Variants in CCDC60 observed in about 807,000 individuals in gnomAD.
CCDC60 encodes the protein coiled-coil domain-containing protein 60.
Under a neutral mutation model 63.5 loss-of-function variants are expected in CCDC60, and 54 were observed. That is an observed-to-expected ratio of 0.85 (90% CI 0.68 to 1.07). CCDC60 has a LOEUF of 1.07. Ranked by LOEUF, CCDC60 falls within the 50% of genes least tolerant of loss-of-function variation. The probability of loss-of-function intolerance (pLI) is 0.00; values close to 1 mark genes in which losing one functional copy is unlikely to be tolerated. For missense variants in CCDC60, 651 were observed against 684.3 expected, an observed-to-expected ratio of 0.95 and a Z score of 0.54; for synonymous variants, 206 against 238.8, an observed-to-expected ratio of 0.86 and a Z score of 1.27.
intron 1 of CCDC60, among the ~76,000 whole-genome samples, chr12:119,345,951 G>A (rs1955588178): frequency 1.3e-5 from 2 of 150,064 alleles, no homozygotes; most frequent in Admixed American, 6.6e-5. Flanking sequence ...AAATAGCTGG[G>A]TTTACAAGCA....
rs77320844 is a variant in CCDC60, at chr12:119,511,600, G to T, written c.884-5023G>T. 4.7e-4 allele frequency among the ~76,000 whole-genome samples: 72 copies of T among 152,280 alleles called. 1 individual carries two copies. The East Asian group carries it at 0.011, about 23-fold the overall frequency. On this transcript the variant is annotated intron_variant, in intron 7 of 13. Transcript: ENST00000327554. ...CTCTATTCCCCCTCCCCAAAAAGAA[G>T]AAATGGATTTAGGCATTCAAGGGTG... is the stretch of plus-strand genomic sequence containing the variant.
At chr12:119,530,426 A>G (rs898211114) in intron 12 of CCDC60, among the ~76,000 whole-genome samples, 7 of 152,062 alleles carry the variant, frequency 4.6e-5, no homozygotes, top group African/African-American at 1.7e-4. Flanking sequence ...CAAAGCTTTG[A>G]CCCAACCTTG....
intron 2 of CCDC60, among the ~76,000 whole-genome samples, chr12:119,430,354 G>C (rs931128956): frequency 1.3e-5 from 2 of 152,074 alleles, no homozygotes; most frequent in African/African-American, 4.8e-5. Context: ...AGCGACATCA[G>C]GCATAAGCAC....
chr12:119,357,642 C>T (rs1955731467), intron 1 of CCDC60, among the ~76,000 whole-genome samples: 1 of 152,100 alleles, frequency 6.6e-6, no homozygotes, highest in African/African-American at 2.4e-5. Flanking sequence ...TTAGTAGATA[C>T]AGTTTTTCTC....
chr12:119,365,133 G>T (rs990290220), intron 1 of CCDC60, among the ~76,000 whole-genome samples: 1 of 152,218 alleles, frequency 6.6e-6, no homozygotes, highest in Non-Finnish European at 1.5e-5. Context: ...TCAAGGAAAT[G>T]AGATAACGTG....
In CCDC60 at chr12:119,427,810, A is replaced by G. The variant is rs11834647; in HGVS notation, c.91-873A>G. 9.0e-3 allele frequency among the ~76,000 whole-genome samples: 1,369 copies of G among 152,300 alleles called. 22 individuals are homozygous for G. The highest frequency in any genetic ancestry group is 0.031 in the African/African-American group (1,282 of 41,550). On this transcript the variant is annotated intron_variant, in intron 1 of 13. Transcript: ENST00000327554. ...TCTGATTATTGTTTCTCCAAACTGC[A>G]GGTTGAGAAAAATGACTTTTATACT...
At chr12:119,437,944 G>A (rs784857) in intron 2 of CCDC60, among the ~76,000 whole-genome samples, 135,281 of 152,024 alleles carry the variant, frequency 0.89, 60,588 homozygotes, top group East Asian at 1. Context: ...GGCCATTAAC[G>A]AGTCACTAGT....
chr12:119,535,485 A>G (rs1320255325), intron 13 of CCDC60, among the ~76,000 whole-genome samples: 1 of 152,006 alleles, frequency 6.6e-6, no homozygotes, highest in African/African-American at 2.4e-5. Context: ...TTGCTTGTCT[A>G]GTTCTTTTCA....
At chr12:119,363,742 C>G (rs1035475477) in intron 1 of CCDC60, among the ~76,000 whole-genome samples, 1 of 152,132 alleles carries the variant, frequency 6.6e-6, no homozygotes, top group Non-Finnish European at 1.5e-5. Context: ...GTAGTGCAGA[C>G]CTGCTGGTGG....
chr12:119,511,788 G>A (rs1380729279), intron 7 of CCDC60, among the ~76,000 whole-genome samples: 1 of 152,174 alleles, frequency 6.6e-6, no homozygotes, highest in Non-Finnish European at 1.5e-5. Context: ...AGGCTTGTTT[G>A]CTTATGAGTT....
chr12:119,398,774 C>A (rs544671719), intron 1 of CCDC60, among the ~76,000 whole-genome samples: 2 of 152,282 alleles, frequency 1.3e-5, no homozygotes, highest in East Asian at 3.9e-4. Context: ...TTGTTTAATG[C>A]GTACTGACTC....
intron 1 of CCDC60, among the ~76,000 whole-genome samples, chr12:119,349,565 C>T (rs903463446): frequency 4.6e-5 from 7 of 151,876 alleles, no homozygotes; most frequent in Non-Finnish European, 1.0e-4. Flanking sequence ...TCTCAAACTC[C>T]TGACCTCAGA....
intron 1 of CCDC60, among the ~76,000 whole-genome samples, chr12:119,416,654 A>G (rs754718529): frequency 4.6e-5 from 7 of 152,178 alleles, no homozygotes; most frequent in Non-Finnish European, 7.4e-5. Flanking sequence ...AAACAACTCT[A>G]TAGGTGGGAA....
chr12:119,348,676 T>G (rs185980356), intron 1 of CCDC60, among the ~76,000 whole-genome samples: 1 of 152,328 alleles, frequency 6.6e-6, no homozygotes, highest in African/African-American at 2.4e-5. Flanking sequence ...GATTTGTGAT[T>G]GACATTTTTC....
chr12:119,375,601 T>A (rs1013358604), intron 1 of CCDC60, among the ~76,000 whole-genome samples: 2 of 152,220 alleles, frequency 1.3e-5, no homozygotes, highest in Non-Finnish European at 2.9e-5. Context: ...AGCTCACTGA[T>A]GGCTGTGTTT....
chr12:119,401,336 A>G (rs1414007026), intron 1 of CCDC60, among the ~76,000 whole-genome samples: 1 of 152,206 alleles, frequency 6.6e-6, no homozygotes, highest in African/African-American at 2.4e-5. Context: ...GATCCCATTC[A>G]TCCATCCAAC....
chr12:119,507,573 TATATACACATATATATACATATATA>T (rs1566050404), intron 7 of CCDC60, among the ~76,000 whole-genome samples: 9 of 39,232 alleles, frequency 2.3e-4, no homozygotes, highest in African/African-American at 1.6e-3. Context: ...TATATATGTA[TATATACACATATATATACATATATA>T]TATATATATA....
At chr12:119,350,831 G>T (rs1245319153) in intron 1 of CCDC60, among the ~76,000 whole-genome samples, 1 of 152,128 alleles carries the variant, frequency 6.6e-6, no homozygotes, top group Non-Finnish European at 1.5e-5. Context: ...ATACTGGTGG[G>T]AGTCATTATG....
Position 119,398,089 on chromosome 12 carries a change from G to A in CCDC60, c.91-30594G>A, listed in dbSNP as rs1435904309. On this transcript the variant is annotated intron_variant, in intron 1 of 13. Coordinates refer to ENST00000327554, the MANE Select transcript of CCDC60 (RefSeq NM_178499.5). Reference sequence around the variant, plus strand: ...GGGGGAGAGGAAGGGGCCGCGGGGGGAGGAAGGGGGCGGTGTGGGGGGAGG... The same window carrying A: ...GGGGGAGAGGAAGGGGCCGCGGGGGAAGGAAGGGGGCGGTGTGGGGGGAGG... 1.1e-3 allele frequency among the ~76,000 whole-genome samples: 128 copies of A among 111,464 alleles called. 1 individual carries two copies. The highest frequency in any genetic ancestry group is 2.1e-3 in the Non-Finnish European group (111 of 51,940). 73.1% of individuals were successfully genotyped at this position (111,464 alleles called of 152,430 possible).
Sources: gnomAD v4.1 joint callset for allele counts (sites outside exome capture counted in the v4.1 genomes callset) on GRCh38, gnomAD v4.1.1 for gene constraint, MANE v1.5 for transcripts, NCBI Gene and HGNC (gene_info 2026-07-23, HGNC 2026-07-21) for gene names.